Variants in BNIP2 observed in about 807,000 individuals in gnomAD.
BNIP2 encodes BCL2/adenovirus E1B 19 kDa protein-interacting protein 2.
Under a neutral mutation model 43.4 loss-of-function variants are expected in BNIP2, and 36 were observed. That is an observed-to-expected ratio of 0.83 (90% CI 0.64 to 1.10). BNIP2 has a LOEUF of 1.10. Ranked by LOEUF, BNIP2 falls within the 50% of genes least tolerant of loss-of-function variation. The pLI is 0.00. For synonymous variants in BNIP2, 146 were observed against 121.0 expected (o/e 1.21, Z -1.35); for missense variants, 417 against 374.1 (o/e 1.11, Z -0.95).
At chr15:59,688,876 C>A in intron 1 of BNIP2, 1 of 1,481,242 alleles carries the variant, frequency 6.8e-7, no homozygotes. Context: ...GCACAACTAC[C>A]AGAAACGGAA....
intron 1 of BNIP2, chr15:59,688,904 G>A (rs1595713010): frequency 1.4e-6 from 2 of 1,468,012 alleles, no homozygotes; most frequent in Non-Finnish European, 1.8e-6. Flanking sequence ...GGGGTGGGGG[G>A]CCAAACTGCC....
At chr15:59,669,526 T>C (rs188505903) in intron 7 of BNIP2, among the ~76,000 whole-genome samples, 164 bp from the exon 8 acceptor site, 21 of 152,376 alleles carry the variant, frequency 1.4e-4, no homozygotes, top group African/African-American at 4.6e-4. Context: ...TAAATTCTTA[T>C]GGTCCCTCCT....
chr15:59,681,002 A>G (rs559308421), intron 2 of BNIP2, among the ~76,000 whole-genome samples: 4 of 152,282 alleles, frequency 2.6e-5, no homozygotes, highest in East Asian at 3.9e-4. Flanking sequence ...CAGCTCTTAT[A>G]CAATTATAAA....
chr15:59,663,665 T>C lies in BNIP2; in HGVS notation c.*404A>G, dbSNP rs1196900085. On this transcript the variant is annotated 3_prime_UTR_variant, in exon 10 of 10. Coordinates refer to ENST00000607373, the MANE Select transcript of BNIP2 (RefSeq NM_004330.4). ...TGGTCTTATATACCTGCATATTTCTTCCATAAGACAGGTACACATTAAAAA... is the reference window on the plus strand; with the variant it reads ...TGGTCTTATATACCTGCATATTTCTCCCATAAGACAGGTACACATTAAAAA... 1 of 153,982 alleles carries C rather than the reference T, an allele frequency of 6.5e-6. No individual in the cohort carries two copies. The highest frequency in any genetic ancestry group is 1.4e-5 in the Non-Finnish European group (1 of 69,014). The allele number at this position is 153,982 out of a possible 1,614,324, so 9.5% of individuals were successfully genotyped here. A position where few individuals can be genotyped will look rare whatever the true frequency, so the allele number is the denominator to read the frequency against.
At position 59,678,679 on chromosome 15, in the gene BNIP2, T is replaced by C. The variant is rs1201648592; in HGVS notation, c.296-592A>G. On this transcript the variant is annotated intron_variant, in intron 4 of 9. Transcript: ENST00000607373. ...CCAATGATTAAGTGTAATTTATGTT[T>C]TGAGATTGCAGTTTAGCTGATTTTC... 3.3e-6 allele frequency: 4 copies of C among 1,195,668 alleles called. No homozygotes were observed. The African/African-American group carries it at 6.4e-5, about 19-fold the overall frequency. The allele number at this position is 1,195,668 out of a possible 1,614,324, so 74.1% of individuals were successfully genotyped here.
At chr15:59,667,198 A>C (rs59651101) in intron 9 of BNIP2, among the ~76,000 whole-genome samples, 1,525 of 152,324 alleles carry the variant, frequency 0.01, 32 homozygotes, top group African/African-American at 0.034. Flanking sequence ...TTCTATCACA[A>C]AGTCTACTAA....
Position 59,682,576 on chromosome 15 carries a change from G to A in BNIP2, c.-57-62C>T, listed in dbSNP as rs575191235. On this transcript the variant is annotated intron_variant, in intron 1 of 9. Coordinates refer to ENST00000607373, the MANE Select transcript of BNIP2 (RefSeq NM_004330.4). ...TTTACTTTTTATCCACTGAAAAGGCGTAATAATCTTATATATTAGTTCATA... is the reference window on the plus strand; with the variant it reads ...TTTACTTTTTATCCACTGAAAAGGCATAATAATCTTATATATTAGTTCATA... 453 of 1,307,818 alleles carry A rather than the reference G, an allele frequency of 3.5e-4. 1 individual carries two copies. The highest frequency in any genetic ancestry group is 1.7e-3 in the African/African-American group (116 of 67,640). The allele number at this position is 1,307,818 out of a possible 1,614,324, so 81.0% of individuals were successfully genotyped here. A position where few individuals can be genotyped will look rare whatever the true frequency, so the allele number is the denominator to read the frequency against.
At chr15:59,667,535 A>G (rs1460361734) in intron 9 of BNIP2, among the ~76,000 whole-genome samples, 1 of 152,222 alleles carries the variant, frequency 6.6e-6, no homozygotes, top group Admixed American at 6.5e-5. Flanking sequence ...TAAAATAGAA[A>G]GTGAAGTGTT....
intron 1 of BNIP2, among the ~76,000 whole-genome samples, chr15:59,683,433 A>G (rs1164701763): frequency 6.6e-6 from 1 of 152,268 alleles, no homozygotes; most frequent in Non-Finnish European, 1.5e-5. Flanking sequence ...AAACAGCAGT[A>G]ACATATTTCT....
Position 59,668,920 on chromosome 15 carries a change from A to G in BNIP2, c.865T>C (p.Tyr289His). ...TTTATGCATTCTGGTATGCCAACGT[A>G]TTCCATGGGGACAAGTTCTGCTAGT... Reference protein sequence around the residue: ...AELAELVPMEYVGIPECIKQV... With the variant: ...AELAELVPMEHVGIPECIKQV... Residue 289 changes from tyrosine (Y) to histidine (H), a missense_variant, in exon 9 of 10, where the codon TAC (tyrosine) becomes CAC (histidine). Physicochemically the swap from Tyr to His is moderately conservative, Grantham distance 83. Coordinates refer to ENST00000607373, the MANE Select transcript of BNIP2 (RefSeq NM_004330.4). The G allele has an allele frequency of 1.2e-6, 2 of 1,613,802 alleles. No homozygotes were observed. The highest frequency in any genetic ancestry group is 1.7e-6 in the Non-Finnish European group (2 of 1,179,776).
At chr15:59,672,881 A>C in intron 5 of BNIP2, 142 bp from the exon 6 acceptor site, 1 of 514,304 alleles carries the variant, frequency 1.9e-6, no homozygotes, top group Non-Finnish European at 3.4e-6. Context: ...TGTAAATCTT[A>C]TATGGTCTTA....
chr15:59,677,797 A>C, intron 5 of BNIP2, 114 bp downstream of exon 5: 1 of 1,300,088 alleles, frequency 7.7e-7, no homozygotes, highest in South Asian at 1.9e-5. Flanking sequence ...CTCTCAACCT[A>C]GCGCCTGTGT....
At chr15:59,676,890 C>T in intron 5 of BNIP2, 1 of 1,599,720 alleles carries the variant, frequency 6.3e-7, no homozygotes, top group Middle Eastern at 1.7e-4. Context: ...ACCGCTGTCA[C>T]CTGCACGGTG....
intron 4 of BNIP2, 96 bp downstream of exon 4, chr15:59,679,496 G>C: frequency 1.5e-6 from 2 of 1,330,138 alleles, no homozygotes; most frequent in South Asian, 1.5e-5. Context: ...TCCTATCTTA[G>C]TAACAAATAT....
intron 7 of BNIP2, among the ~76,000 whole-genome samples, chr15:59,670,426 G>T (rs571293215): frequency 1.3e-5 from 2 of 152,088 alleles, no homozygotes; most frequent in South Asian, 4.1e-4. Context: ...GTGAGACCCT[G>T]TCTCAAAACA....
rs1285820132 is a variant in BNIP2 at position 59,659,985 on chromosome 15, A to C, written c.*4084T>G. 6.6e-6 allele frequency: 1 copy of C among 152,174 alleles called. No homozygotes were observed. The highest frequency in any genetic ancestry group is 1.5e-5 in the Non-Finnish European group (1 of 68,024). 9.4% of individuals were successfully genotyped at this position (152,174 alleles called of 1,614,324 possible). A position where few individuals can be genotyped will look rare whatever the true frequency, so the allele number is the denominator to read the frequency against. ...AAGGAAAGTTACATAACTGGGTCTC[A>C]CCATTGATCTGATTCTAAGTTCATT... On this transcript the variant is annotated 3_prime_UTR_variant, in exon 10 of 10. Coordinates refer to ENST00000607373, the MANE Select transcript of BNIP2 (RefSeq NM_004330.4).
chr15:59,668,292 C>A (rs1247084912), intron 9 of BNIP2, among the ~76,000 whole-genome samples: 1 of 152,100 alleles, frequency 6.6e-6, no homozygotes, highest in Admixed American at 6.6e-5. Context: ...CTTAATAAAT[C>A]TGACTTTCAT....
Position 59,677,304 on chromosome 15 carries a change from A to T in BNIP2, c.472+607T>A. On this transcript the variant is annotated intron_variant, in intron 5 of 9. Transcript: ENST00000607373. ...GGGGATCCTGGCACACCAGAAAGCC[A>T]CATCAACAAGCCCATGAGCCCCAGC... 1.9e-6 allele frequency: 3 copies of T among 1,578,424 alleles called. No individual in the cohort carries two copies. The South Asian group carries it at 3.4e-5, about 18-fold the overall frequency.
intron 5 of BNIP2, among the ~76,000 whole-genome samples, chr15:59,675,118 G>A (rs912780825): frequency 2.6e-5 from 4 of 151,704 alleles, no homozygotes; most frequent in East Asian, 1.9e-4. Flanking sequence ...GCGTGGTGGC[G>A]TGCACCTGTA....
Sources: allele counts gnomAD v4.1 joint callset (sites outside exome capture counted in the v4.1 genomes callset), GRCh38; gene constraint gnomAD v4.1.1; transcripts MANE v1.5; gene names NCBI Gene and HGNC (gene_info 2026-07-23, HGNC 2026-07-21).